ZNF546: variants seen among roughly 807,000 people sequenced by gnomAD.
ZNF546 encodes the protein zinc finger protein 546.
ZNF546 carries 60 observed loss-of-function variants against 76.2 expected under a neutral mutation model. The observed-to-expected ratio is 0.79, with a 90% confidence interval of 0.64 to 0.98. The LOEUF (loss-of-function observed/expected upper bound fraction) is 0.98, where lower values mean the gene tolerates loss of function less well. Among genes scored for constraint, ZNF546 ranks in the 50% least tolerant of loss-of-function variants. The pLI is 0.00. For synonymous variants in ZNF546, 277 were observed against 328.1 expected, an observed-to-expected ratio of 0.84 and a Z score of 1.68; for missense variants, 936 against 1,035.6, an observed-to-expected ratio of 0.90 and a Z score of 1.32.
At chr19:40,007,235 C>A in intron 4 of ZNF546, 39 bp from the exon 5 acceptor site, 1 of 1,450,586 alleles carries the variant, frequency 6.9e-7, no homozygotes, top group Non-Finnish European at 9.2e-7. Flanking sequence ...CTTGAAAATA[C>A]ATTTAATTTT....
In ZNF546 at chr19:40,015,104, A is replaced by G; in HGVS notation, c.1834A>G (p.Asn612Asp). 1 of 1,614,140 alleles carries G rather than the reference A, an allele frequency of 6.2e-7. No individual in the cohort carries two copies. Among genetic ancestry groups the G allele is most frequent in the East Asian group, 2.2e-5 (1 of 44,876 alleles). The change falls in exon 7 of 7, where the codon AAT (asparagine) becomes GAT (aspartate). Residue 612 changes from asparagine to aspartate, a missense_variant. Asn to Asp is a conservative substitution (Grantham distance 23). Transcript: ENST00000347077. The stretch of plus-strand genomic sequence containing the variant: ...TACTGGTGAAAAACCCTACATATGT[A>G]ATGAATGTGGGAAAGCCTTTCGATT... ...IHTGEKPYIC[N>D]ECGKAFRFQT...
intron 5 of ZNF546, among the ~76,000 whole-genome samples, chr19:40,008,199 G>A (rs1341047871): frequency 6.6e-6 from 1 of 152,180 alleles, no homozygotes; most frequent in African/African-American, 2.4e-5. Flanking sequence ...GCTCCAGAGG[G>A]TGTGCTCACT....
Position 40,015,272 on chromosome 19 carries a change from A to C in ZNF546, c.2002A>C (p.Thr668Pro), listed in dbSNP as rs757803592. Residue 668 changes from threonine to proline, a missense_variant, in exon 7 of 7, where the codon ACG becomes CCG. Coordinates refer to ENST00000347077, the MANE Select transcript of ZNF546 (RefSeq NM_178544.5). ...TACTGGTGAGAAACCCTACGAATGT[A>C]CGGAATGTGGGAAGACGTTTAGTCG... is the stretch of plus-strand genomic sequence containing the variant. ...IHTGEKPYEC[T>P]ECGKTFSRHY... 3 of 1,614,148 alleles carry C rather than the reference A, an allele frequency of 1.9e-6. No individual in the cohort carries two copies. Among genetic ancestry groups the C allele is most frequent in the Admixed American group, 3.3e-5 (2 of 60,030 alleles).
intron 3 of ZNF546, 89 bp downstream of exon 3, chr19:39,998,499 C>A: frequency 9.0e-7 from 1 of 1,109,946 alleles, no homozygotes; most frequent in Admixed American, 1.9e-5. Context: ...CCATCTTCTC[C>A]AATCTTCTCC....
Position 40,016,371 on chromosome 19 carries a change from TTAGC to T in ZNF546, c.*594_*597del, listed in dbSNP as rs1314280736. On this transcript the variant is annotated 3_prime_UTR_variant, in exon 7 of 7. Transcript: ENST00000347077. The stretch of plus-strand genomic sequence containing the variant: ...CCCCTTCTCTACTAAAATACACAAA[TTAGC>T]TAGGCATTGTGGGGGGTGCCTGTAA... 1.3e-5 allele frequency: 2 copies of T among 153,048 alleles called. No individual in the cohort carries two copies. The highest frequency in any genetic ancestry group is 4.8e-5 in the African/African-American group (2 of 41,382). 9.5% of individuals were successfully genotyped at this position (153,048 alleles called of 1,614,324 possible). A position where few individuals can be genotyped will look rare whatever the true frequency, so the allele number is the denominator to read the frequency against.
intron 2 of ZNF546, 87 bp downstream of exon 2, chr19:39,998,002 G>A (rs1346973451): frequency 1.4e-5 from 4 of 291,818 alleles, no homozygotes; most frequent in Non-Finnish European, 2.6e-5. Flanking sequence ...GTCATACGGC[G>A]TGGTACCACA....
intron 3 of ZNF546, among the ~76,000 whole-genome samples, chr19:40,001,059 C>G (rs1380584060): frequency 1.3e-5 from 2 of 152,066 alleles, no homozygotes; most frequent in African/African-American, 4.8e-5. Context: ...CTAGATCCCT[C>G]ACATGGTCAG....
chr19:40,007,524 A>G (rs1396612508), intron 5 of ZNF546, 124 bp downstream of exon 5: 1 of 1,101,568 alleles, frequency 9.1e-7, no homozygotes, highest in Admixed American at 3.4e-5. Flanking sequence ...TCATAGTTTC[A>G]GCAGTGTTGG....
chr19:40,013,768 C>T lies in ZNF546; in HGVS notation c.498C>T (p.Ile166=). 1.2e-6 allele frequency: 2 copies of T among 1,612,968 alleles called. No homozygotes were observed. Among genetic ancestry groups the T allele is most frequent in the Non-Finnish European group, 1.7e-6 (2 of 1,179,802 alleles). The change falls in exon 7 of 7, where the codon ATC becomes ATT. Residue 166 remains isoleucine (I), a synonymous_variant. Coordinates refer to ENST00000347077, the MANE Select transcript of ZNF546 (RefSeq NM_178544.5). The part of the protein sequence containing the change: ...LQTGEKSKNT[I]HEDTIFRNGL... ...CAGGGGAAAAAAGTAAAAACACCAT[C>T]CATGAGGACACCATTTTCAGAAATG...
intron 4 of ZNF546, 102 bp downstream of exon 4, chr19:40,006,284 T>C (rs1971601277): frequency 2.0e-6 from 2 of 1,014,630 alleles, no homozygotes; most frequent in East Asian, 2.4e-5. Flanking sequence ...AACCCTGTTG[T>C]GGAACCTGCT....
In ZNF546 at chr19:40,017,626, A is replaced by G. The variant is rs1188494389; in HGVS notation, c.*1845A>G. On this transcript the variant is annotated 3_prime_UTR_variant, in exon 7 of 7. Transcript: ENST00000347077. ...AGAAATTTGTAAGCTGTCTTAAAAC[A>G]TGAGATTTTTTTTGTGATTTTTTTT... 2 of 152,146 alleles carry G rather than the reference A, an allele frequency of 1.3e-5. No individual in the cohort carries two copies. Among genetic ancestry groups the G allele is most frequent in the Admixed American group, 6.5e-5 (1 of 15,274 alleles). 9.4% of individuals were successfully genotyped at this position (152,146 alleles called of 1,614,324 possible).
rs1971839139 is a variant in ZNF546 at position 40,020,364 on chromosome 19, G to A, written c.*4583G>A. 6.6e-6 allele frequency: 1 copy of A among 152,078 alleles called. No individual in the cohort carries two copies. Among genetic ancestry groups the A allele is most frequent in the Non-Finnish European group, 1.5e-5 (1 of 67,994 alleles). 9.4% of individuals were successfully genotyped at this position (152,078 alleles called of 1,614,324 possible). Reference sequence around the variant, plus strand: ...CTAATTATATCATTGCTCAACATTTGCAAATTATTTTTACAAATAACAATA... The same window carrying A: ...CTAATTATATCATTGCTCAACATTTACAAATTATTTTTACAAATAACAATA... On this transcript the variant is annotated 3_prime_UTR_variant, in exon 7 of 7. Coordinates refer to ENST00000347077, the MANE Select transcript of ZNF546 (RefSeq NM_178544.5).
At chr19:39,997,984 T>C in intron 2 of ZNF546, 69 bp downstream of exon 2, 1 of 246,044 alleles carries the variant, frequency 4.1e-6, no homozygotes, top group Non-Finnish European at 7.9e-6. Context: ...CAGCCTTGCC[T>C]GCACCCAGTC....
At chr19:40,007,165 G>A in intron 4 of ZNF546, 109 bp from the exon 5 acceptor site, 2 of 736,780 alleles carry the variant, frequency 2.7e-6, no homozygotes. Context: ...CACATTGCAG[G>A]CTTGAGCCCC....
Position 40,015,750 on chromosome 19 carries a change from A to G in ZNF546, c.2480A>G (p.His827Arg). The stretch of plus-strand genomic sequence containing the variant: ...CAACTTACTTTACATCAGAGAAATC[A>G]TATTAGTGAGGAAGTCCTATGCATA... ...SDQLTLHQRN[H>R]ISEEVLCIM The change falls in exon 7 of 7, where the codon CAT (histidine) becomes CGT (arginine). Residue 827 changes from histidine to arginine, a missense_variant. Transcript: ENST00000347077. 6.2e-7 allele frequency: 1 copy of G among 1,612,702 alleles called. No homozygotes were observed. The highest frequency in any genetic ancestry group is 8.5e-7 in the Non-Finnish European group (1 of 1,179,020).
At chr19:40,005,478 A>C (rs940390651) in intron 3 of ZNF546, among the ~76,000 whole-genome samples, 3 of 152,192 alleles carry the variant, frequency 2.0e-5, no homozygotes, top group Admixed American at 6.5e-5. Flanking sequence ...GATGTTGCTC[A>C]TCTGGCATAT....
chr19:40,006,588 T>C (rs1171175513), intron 4 of ZNF546, among the ~76,000 whole-genome samples: 3 of 152,208 alleles, frequency 2.0e-5, no homozygotes, highest in Non-Finnish European at 2.9e-5. Context: ...ATCAGTGTCA[T>C]TGTGGATACG....
At position 39,997,103 on chromosome 19, in the gene ZNF546, C is replaced by T. The variant is rs944992313; in HGVS notation, c.-189C>T. The T allele has an allele frequency of 1.3e-5, 2 of 152,318 alleles. No individual in the cohort carries two copies. Among genetic ancestry groups the T allele is most frequent in the African/African-American group, 4.8e-5 (2 of 41,468 alleles). The allele number at this position is 152,318 out of a possible 1,614,324, so 9.4% of individuals were successfully genotyped here. ...AGGGCCCTTTACATTGCGTTCTTAA[C>T]GGTTCAGTCACCTTAACCGTTATTA... On this transcript the variant is annotated 5_prime_UTR_variant, in exon 1 of 7. It adds an upstream start codon to the 5' untranslated region. Coordinates refer to ENST00000347077, the MANE Select transcript of ZNF546 (RefSeq NM_178544.5).
intron 3 of ZNF546, among the ~76,000 whole-genome samples, chr19:40,001,367 CTT>C (rs532859426): frequency 1.7e-4 from 24 of 142,602 alleles, no homozygotes; most frequent in African/African-American, 2.6e-4. Flanking sequence ...GAGGATATTT[CTT>C]TTTTTTTTTT....
Sources: gnomAD v4.1 joint callset for allele counts (sites outside exome capture counted in the v4.1 genomes callset) on GRCh38, gnomAD v4.1.1 for gene constraint, MANE v1.5 for transcripts, NCBI Gene and HGNC (gene_info 2026-07-23, HGNC 2026-07-21) for gene names.